The following KAZN variants were observed in gnomAD, a reference collection of about 807,000 sequenced individuals.
KAZN encodes kazrin, periplakin interacting protein.
A neutral mutation model predicts 87.4 loss-of-function variants in KAZN; 40 were observed. The observed-to-expected ratio is 0.46, with a 90% CI of 0.36 to 0.60. The LOEUF is 0.60. Ranked by LOEUF, KAZN falls within the 20% of genes least tolerant of loss-of-function variation. The pLI is 0.00. For synonymous variants in KAZN, 466 were observed against 458.3 expected (o/e 1.02, Z -0.22); for missense variants, 898 against 1,073.9 (o/e 0.84, Z 2.29).
intron 2 of KAZN, among the ~76,000 whole-genome samples, chr1:14,227,085 G>T (rs1231571622): frequency 1.3e-5 from 2 of 152,048 alleles, no homozygotes; most frequent in African/African-American, 4.8e-5. Flanking sequence ...TCAGACAGAA[G>T]AAGAAACAAT....
intron 4 of KAZN, among the ~76,000 whole-genome samples, chr1:15,048,769 A>ATCCTGAGTCGTTGG (rs1673937539): frequency 8.5e-6 from 1 of 118,206 alleles, no homozygotes; most frequent in Non-Finnish European, 1.7e-5. Flanking sequence ...TGGGTCGTCG[A>ATCCTGAGTCGTTGG]TCCTGGGTCG....
At chr1:15,019,629 T>C (rs1670467490) in intron 2 of KAZN, among the ~76,000 whole-genome samples, 5 of 152,194 alleles carry the variant, frequency 3.3e-5, no homozygotes, top group Admixed American at 6.5e-5. Context: ...CCTCAAGTAA[T>C]CCACCTGCCT....
chr1:14,141,053 T>G (rs1043385448), intron 1 of KAZN, among the ~76,000 whole-genome samples: 4 of 152,008 alleles, frequency 2.6e-5, no homozygotes, highest in African/African-American at 9.7e-5. Context: ...GCCAAGAATC[T>G]GCACGCTGCC....
chr1:14,526,795 TC>T (rs779845487), intron 2 of KAZN, among the ~76,000 whole-genome samples: 2 of 152,088 alleles, frequency 1.3e-5, no homozygotes, highest in Non-Finnish European at 2.9e-5. Context: ...TGAGGTGTTC[TC>T]CCCCGCTGCT....
At chr1:14,144,978 G>A (rs993148877) in intron 1 of KAZN, among the ~76,000 whole-genome samples, 6 of 152,150 alleles carry the variant, frequency 3.9e-5, no homozygotes, top group African/African-American at 1.4e-4. Flanking sequence ...TTCCACATGA[G>A]GATTGGAGGG....
intron 1 of KAZN, among the ~76,000 whole-genome samples, chr1:14,849,811 A>G (rs1649217551): frequency 6.6e-6 from 1 of 152,196 alleles, no homozygotes; most frequent in African/African-American, 2.4e-5. Context: ...CCATAGCAGC[A>G]GAAGTATTTT....
At chr1:14,974,765 A>G (rs927911790) in intron 2 of KAZN, among the ~76,000 whole-genome samples, 3 of 152,236 alleles carry the variant, frequency 2.0e-5, no homozygotes, top group Non-Finnish European at 4.4e-5. Flanking sequence ...ATGCTAATCT[A>G]CAGGGACAGA....
chr1:14,122,704 T>C (rs999158675), intron 1 of KAZN, among the ~76,000 whole-genome samples: 2 of 152,254 alleles, frequency 1.3e-5, no homozygotes, highest in Admixed American at 6.5e-5. Context: ...TGTAGTCTAT[T>C]GCTTTTAGGC....
chr1:14,554,750 A>G (rs912707954), intron 2 of KAZN, among the ~76,000 whole-genome samples: 6 of 152,214 alleles, frequency 3.9e-5, no homozygotes, highest in African/African-American at 9.6e-5. Context: ...AAACTGTCAT[A>G]TCTTCTCCAA....
chr1:14,753,089 G>A (rs943085936), intron 1 of KAZN, among the ~76,000 whole-genome samples: 2 of 152,174 alleles, frequency 1.3e-5, no homozygotes, highest in Non-Finnish European at 2.9e-5. Context: ...AGCAAATCGT[G>A]GTTGAGGTCA....
At chr1:14,990,858 T>G (rs1667279806) in intron 2 of KAZN, among the ~76,000 whole-genome samples, 1 of 150,382 alleles carries the variant, frequency 6.6e-6, no homozygotes, top group Admixed American at 6.7e-5. Context: ...TAAGATGAAG[T>G]CGTACTGGAA....
At chr1:14,995,083 TC>T (rs1402356243) in intron 2 of KAZN, among the ~76,000 whole-genome samples, 1 of 152,172 alleles carries the variant, frequency 6.6e-6, no homozygotes, top group Non-Finnish European at 1.5e-5. Flanking sequence ...GGCTGGCCCC[TC>T]GGGAAGGGCA....
chr1:14,371,183 T>C (rs1304104822), intron 2 of KAZN, among the ~76,000 whole-genome samples: 1 of 152,134 alleles, frequency 6.6e-6, no homozygotes, highest in African/African-American at 2.4e-5. Context: ...TGGTCTGCGG[T>C]AGGGCCAAGC....
intron 3 of KAZN, among the ~76,000 whole-genome samples, chr1:15,041,344 T>TG (rs1672903162): frequency 6.9e-6 from 1 of 144,808 alleles, no homozygotes; most frequent in Non-Finnish European, 1.5e-5. Flanking sequence ...TTTTTTTTTT[T>TG]TTGTTTTTTT....
chr1:14,501,269 G>T (rs12035028), intron 2 of KAZN, among the ~76,000 whole-genome samples: 4,765 of 152,036 alleles, frequency 0.031, 195 homozygotes, highest in East Asian at 0.16. Flanking sequence ...TCTAGCCAGC[G>T]CAATTAAGCA....
rs990019255 is a variant in KAZN at position 14,154,893 on chromosome 1, T to C, written c.92-25542T>C. On this transcript the variant is annotated intron_variant, in intron 1 of 16. Transcript: ENST00000636203. ...TTTTCATATATTGTTGAATTTGGCTTGCTAGTATTTTATTGAGGATTTTTG... is the reference window on the plus strand; with the variant it reads ...TTTTCATATATTGTTGAATTTGGCTCGCTAGTATTTTATTGAGGATTTTTG... 2.0e-5 allele frequency among the ~76,000 whole-genome samples: 3 copies of C among 152,124 alleles called. No individual in the cohort carries two copies. The East Asian group carries it at 5.8e-4, about 29-fold the overall frequency.
chr1:14,728,516 T>A (rs2100344652), intron 1 of KAZN, among the ~76,000 whole-genome samples: 1 of 152,256 alleles, frequency 6.6e-6, no homozygotes, highest in African/African-American at 2.4e-5. Context: ...AAGTCTGTAG[T>A]AGCCCCAGAG....
intron 1 of KAZN, among the ~76,000 whole-genome samples, chr1:14,169,742 C>T (rs11591032): frequency 0.032 from 4,798 of 152,288 alleles, 98 homozygotes; most frequent in Middle Eastern, 0.051. Flanking sequence ...CTGAGTAACT[C>T]TGGGCCAGGC....
At chr1:14,528,502 C>T (rs1023886244) in intron 2 of KAZN, among the ~76,000 whole-genome samples, 1 of 151,840 alleles carries the variant, frequency 6.6e-6, no homozygotes, top group African/African-American at 2.4e-5. Context: ...AGACAGCCCC[C>T]GACCAGTACA....
Sources: gnomAD v4.1 joint callset for allele counts (sites outside exome capture counted in the v4.1 genomes callset) on GRCh38, gnomAD v4.1.1 for gene constraint, MANE v1.5 for transcripts, NCBI Gene and HGNC (gene_info 2026-07-23, HGNC 2026-07-21) for gene names.